UBXN8: variants seen among roughly 807,000 people sequenced by gnomAD.
UBXN8 encodes UBX domain-containing protein 8.
In UBXN8, 27 loss-of-function variants were observed where a neutral mutation model predicts 32.1. The observed-to-expected ratio is 0.84, with a 90% CI of 0.62 to 1.16. The LOEUF (loss-of-function observed/expected upper bound fraction) is 1.16. UBXN8 is among the 50% of genes most tolerant of loss of function. The probability of loss-of-function intolerance (pLI) is 0.00; values close to 1 mark genes in which losing one functional copy is unlikely to be tolerated. For missense variants in UBXN8, 306 were observed against 311.4 expected (o/e 0.98, Z 0.13); for synonymous variants, 109 against 111.8 (o/e 0.98, Z 0.16).
rs1805669322 is a variant in UBXN8, at chr8:30,756,678, A to G, written c.406-87A>G. Reference sequence around the variant, plus strand: ...TTTTCTACTGATATGCCATCAGGGTAAAAAAAGGAAAAAGGAAAAACAATT... The same window carrying G: ...TTTTCTACTGATATGCCATCAGGGTGAAAAAAGGAAAAAGGAAAAACAATT... On this transcript the variant is annotated intron_variant, in intron 4 of 7. Transcript: ENST00000265616. The G allele has an allele frequency of 3.9e-6, 6 of 1,548,270 alleles. No homozygotes were observed. In the South Asian group the frequency reaches 4.8e-5, roughly 12 times the overall value.
intron 5 of UBXN8, among the ~76,000 whole-genome samples, chr8:30,760,159 T>A (rs2128756101): frequency 6.7e-6 from 1 of 148,522 alleles, no homozygotes; most frequent in East Asian, 2.0e-4. Context: ...CTTCATGGGT[T>A]CCAAGCGATT....
chr8:30,739,219 A>G (rs4617113), upstream of UBXN8, among the ~76,000 whole-genome samples: 150,141 of 150,476 alleles, frequency 1, 74,910 homozygotes, highest in Middle Eastern at 1. Context: ...GTGTTCAGAG[A>G]AATTGACACA....
intron 1 of UBXN8, among the ~76,000 whole-genome samples, chr8:30,738,280 G>C (rs2956002): frequency 6.6e-6 from 1 of 152,116 alleles, no homozygotes; most frequent in South Asian, 2.1e-4. Context: ...GCTACTCAGG[G>C]GGCTGAGGCA....
At chr8:30,746,363 T>C (rs1411749585) in intron 1 of UBXN8, among the ~76,000 whole-genome samples, 1 of 152,136 alleles carries the variant, frequency 6.6e-6, no homozygotes, top group African/African-American at 2.4e-5. Context: ...CTTAACAGTA[T>C]TTAAGTCTGT....
intron 5 of UBXN8, among the ~76,000 whole-genome samples, chr8:30,757,574 A>G (rs537677772): frequency 4.1e-5 from 6 of 145,808 alleles, no homozygotes; most frequent in Admixed American, 2.0e-4. Flanking sequence ...ACAAAAAACA[A>G]AAAGGGCTGG....
rs1219968709 is a variant in UBXN8, at chr8:30,766,388, C to T, written c.807C>T (p.Thr269=). 6.3e-7 allele frequency: 1 copy of T among 1,598,842 alleles called. No homozygotes were observed. Among genetic ancestry groups the T allele is most frequent in the South Asian group, 1.1e-5 (1 of 89,308 alleles). Residue 269 remains threonine (T), a synonymous_variant, in exon 8 of 8, where the codon ACC becomes ACT. Coordinates refer to ENST00000265616, the MANE Select transcript of UBXN8 (RefSeq NM_005671.4). ...TVLILEEKEQ[T]N ...TCATCCTGGAGGAGAAGGAGCAGAC[C>T]AACTAGGAAAGAAGGGAGAGCTCCC...
At chr8:30,743,729 G>A (rs1426359035), upstream of UBXN8, among the ~76,000 whole-genome samples, 1 of 152,304 alleles carries the variant, frequency 6.6e-6, no homozygotes, top group East Asian at 1.9e-4. Flanking sequence ...GACTGCGGAC[G>A]GGGCCAGGAA....
upstream of UBXN8, among the ~76,000 whole-genome samples, chr8:30,731,363 A>G (rs1368790961): frequency 6.6e-6 from 1 of 152,180 alleles, no homozygotes; most frequent in Non-Finnish European, 1.5e-5. Flanking sequence ...TATTGACATC[A>G]TCGGAGCCAT....
intron 6 of UBXN8, among the ~76,000 whole-genome samples, chr8:30,762,381 GTTTTTT>G (rs879641283): frequency 0.029 from 2,411 of 83,176 alleles, 60 homozygotes; most frequent in African/African-American, 0.073. Flanking sequence ...TGATGGGAAA[GTTTTTT>G]GTTTTTGTTT....
intron 6 of UBXN8, among the ~76,000 whole-genome samples, chr8:30,762,698 G>A (rs898660281): frequency 1.3e-5 from 2 of 151,720 alleles, no homozygotes; most frequent in African/African-American, 4.8e-5. Context: ...TGGCCTGATT[G>A]GAAATATTTT....
At position 30,747,894 on chromosome 8, in the gene UBXN8, CTTTTTTTTTT is replaced by C. The variant is rs67334347; in HGVS notation, c.89-3487_89-3478del. 1.7e-4 allele frequency among the ~76,000 whole-genome samples: 6 copies of C among 35,636 alleles called. No homozygotes were observed. In the South Asian group the frequency reaches 3.7e-3, roughly 22 times the overall value. 23.4% of individuals were successfully genotyped at this position (35,636 alleles called of 152,430 possible). On this transcript the variant is annotated intron_variant, in intron 1 of 7. Coordinates refer to ENST00000265616, the MANE Select transcript of UBXN8 (RefSeq NM_005671.4). ...TTTCTTTTTTTAATATATATTTTTT[CTTTTTTTTTT>C]TTTTTTTTTTTTTTGCTACCTTTGG...
upstream of UBXN8, among the ~76,000 whole-genome samples, chr8:30,743,836 A>G (rs1370803622): frequency 3.9e-5 from 6 of 152,202 alleles, no homozygotes; most frequent in African/African-American, 1.4e-4. Flanking sequence ...TCACAGCATC[A>G]GCTTTTTCTT....
chr8:30,732,449 G>A (rs896555577), upstream of UBXN8: 149 of 374,550 alleles, frequency 4.0e-4, 1 homozygote, highest in East Asian at 5.4e-3. Flanking sequence ...GTAATCTACC[G>A]GAGCCTAAGA....
chr8:30,737,751 G>A (rs979732156), intron 1 of UBXN8, among the ~76,000 whole-genome samples: 8 of 152,156 alleles, frequency 5.3e-5, no homozygotes, highest in Admixed American at 4.6e-4. Flanking sequence ...AGGCGGCTGA[G>A]GTGGGAGGAT....
chr8:30,745,138 C>G (rs1445924776), intron 1 of UBXN8, among the ~76,000 whole-genome samples: 1 of 152,152 alleles, frequency 6.6e-6, no homozygotes, highest in East Asian at 1.9e-4. Flanking sequence ...AGCAGTGAGG[C>G]ACATCAGGCT....
Position 30,744,174 on chromosome 8 carries a change from AG to A in UBXN8, c.-14del. 1.2e-6 allele frequency: 2 copies of A among 1,610,000 alleles called. No homozygotes were observed. Among genetic ancestry groups the A allele is most frequent in the South Asian group, 2.2e-5 (2 of 90,192 alleles). On this transcript the variant is annotated 5_prime_UTR_variant, in exon 1 of 8. Transcript: ENST00000265616. ...AAGGGGCGGGCTTTCCGCCTGCACC[AG>A]GCGCTTCCGCCACCATGGCTTCACG...
Position 30,747,658 on chromosome 8 carries a change from G to T in UBXN8, c.88+3381G>T, listed in dbSNP as rs751686476. ...ATACTCTAGATATTAAACTACTTTT[G>T]TATTGGCCAGAGATAAAATAGATTA... On this transcript the variant is annotated intron_variant, in intron 1 of 7. Coordinates refer to ENST00000265616, the MANE Select transcript of UBXN8 (RefSeq NM_005671.4). Among the ~76,000 whole-genome samples the T allele has an allele frequency of 2.1e-5, 3 of 140,246 alleles. No homozygotes were observed. In the East Asian group the frequency reaches 6.1e-4, roughly 28 times the overall value. 92.0% of individuals were successfully genotyped at this position (140,246 alleles called of 152,430 possible).
rs1805521120 is a variant in UBXN8 at position 30,751,464 on chromosome 8, T to G, written c.157T>G (p.Ser53Ala). ...LLLALLTLTI[S>A]VTTSWLNSFK... ...GCTTGCTCTTCTTACTTTAACTATT[T>G]CTGTGACTACCTCATGGCTTAACTC... Residue 53 changes from serine to alanine, a missense_variant, in exon 2 of 8, where the codon TCT becomes GCT. By Grantham distance (99) the Ser-to-Ala change is moderately conservative (BLOSUM62 1). Coordinates refer to ENST00000265616, the MANE Select transcript of UBXN8 (RefSeq NM_005671.4). 2 of 1,610,980 alleles carry G rather than the reference T, an allele frequency of 1.2e-6. No individual in the cohort carries two copies. Among genetic ancestry groups the G allele is most frequent in the South Asian group, 2.2e-5 (2 of 90,524 alleles).
At chr8:30,749,397 A>AT (rs1167926403) in intron 1 of UBXN8, among the ~76,000 whole-genome samples, 1 of 67,074 alleles carries the variant, frequency 1.5e-5, no homozygotes, top group African/African-American at 4.5e-5. Context: ...CGTCTCAAAA[A>AT]AAAAAAATAA....
Sources: gnomAD v4.1 joint callset for allele counts (sites outside exome capture counted in the v4.1 genomes callset) on GRCh38, gnomAD v4.1.1 for gene constraint, MANE v1.5 for transcripts, NCBI Gene and HGNC (gene_info 2026-07-23, HGNC 2026-07-21) for gene names.